DDX18: variants seen among roughly 807,000 people sequenced by gnomAD.
The protein encoded by DDX18 is ATP-dependent RNA helicase DDX18.
Under a neutral mutation model 73.5 loss-of-function variants are expected in DDX18, and 23 were observed. That is an observed-to-expected ratio of 0.31 (90% CI 0.23 to 0.44). The LOEUF (loss-of-function observed/expected upper bound fraction) is 0.44. Among genes scored for constraint, DDX18 ranks in the 20% least tolerant of loss-of-function variants. The probability of loss-of-function intolerance (pLI) is 1.00; values close to 1 mark genes in which losing one functional copy is unlikely to be tolerated. For synonymous variants in DDX18, 268 were observed against 282.7 expected (o/e 0.95, Z 0.52); for missense variants, 753 against 792.9 (o/e 0.95, Z 0.60).
At chr2:117,823,470 C>A (rs895367453) in intron 7 of DDX18, among the ~76,000 whole-genome samples, 1 of 152,132 alleles carries the variant, frequency 6.6e-6, no homozygotes, top group African/African-American at 2.4e-5. Context: ...CACATATACA[C>A]ACATATATAT....
At chr2:117,824,435 T>C (rs1679891680) in intron 7 of DDX18, 134 bp from the exon 8 acceptor site, 3 of 852,156 alleles carry the variant, frequency 3.5e-6, no homozygotes, top group Admixed American at 4.0e-5. Flanking sequence ...TTTTACCTTT[T>C]GTAATATTTG....
intron 11 of DDX18, 83 bp from the exon 12 acceptor site, chr2:117,828,866 G>T: frequency 1.0e-6 from 1 of 955,516 alleles, no homozygotes. Flanking sequence ...TTCATAGGCC[G>T]GTTCATCCTT....
At chr2:117,823,384 G>C (rs1171560913) in intron 7 of DDX18, among the ~76,000 whole-genome samples, 2 of 152,084 alleles carry the variant, frequency 1.3e-5, no homozygotes, top group Non-Finnish European at 2.9e-5. Context: ...TCTTTTGTCA[G>C]ATTTATCTCT....
chr2:117,823,895 G>A (rs985150655), intron 7 of DDX18, among the ~76,000 whole-genome samples: 3 of 152,150 alleles, frequency 2.0e-5, no homozygotes, highest in Non-Finnish European at 4.4e-5. Flanking sequence ...TCTGTCTGCT[G>A]AAATAATCAT....
chr2:117,828,917 GGTT>G, intron 11 of DDX18, 29 bp from the exon 12 acceptor site: 1 of 1,473,396 alleles, frequency 6.8e-7, no homozygotes, highest in Non-Finnish European at 9.5e-7. Context: ...TGATCATCCT[GGTT>G]TACTAATCTT....
chr2:117,821,832 A>T, intron 5 of DDX18, 30 bp from the exon 6 acceptor site: 1 of 1,613,738 alleles, frequency 6.2e-7, no homozygotes, highest in Non-Finnish European at 8.5e-7. Context: ...TGACAGCCAC[A>T]TTTAGACTTC....
At chr2:117,829,055 C>A (rs1441221315) in intron 12 of DDX18, 50 bp downstream of exon 12, 2 of 1,488,548 alleles carry the variant, frequency 1.3e-6, no homozygotes, top group African/African-American at 1.4e-5. Context: ...TGTCCCAGCA[C>A]TCTGTTTGTA....
chr2:117,826,034 CTTTTT>C (rs59119058), intron 10 of DDX18: 118 of 97,204 alleles, frequency 1.2e-3, no homozygotes, highest in African/African-American at 4.1e-3. Flanking sequence ...CATGTCCAGC[CTTTTT>C]TTTTTTTTTT....
At chr2:117,822,483 C>T (rs2104622779) in intron 7 of DDX18, 1 of 440,878 alleles carries the variant, frequency 2.3e-6, no homozygotes, top group Non-Finnish European at 4.2e-6. Context: ...GTTAAGCAGT[C>T]TTCACATAGG....
rs1360550805 is a variant in DDX18, at chr2:117,822,014, A to T, written c.904A>T (p.Ile302Phe). 11 of 1,613,952 alleles carry T rather than the reference A, an allele frequency of 6.8e-6. No individual in the cohort carries two copies. Among genetic ancestry groups the T allele is most frequent in the African/African-American group, 2.7e-5 (2 of 74,904 alleles). The part of the protein sequence containing the change: ...SAEAQKLGNG[I>F]NIIVATPGRL... ...TGAAGCACAGAAACTTGGTAATGGG[A>T]TCAACATCATTGTGGCCACACCAGG... The change falls in exon 6 of 14, where the codon ATC (isoleucine) becomes TTC (phenylalanine). Residue 302 changes from isoleucine to phenylalanine, a missense_variant. Around this residue, in one of 3 missense-constraint regions of DDX18, gnomAD observed 345 missense variants for 352.0 expected, o/e 0.98. Transcript: ENST00000263239.
At chr2:117,828,814 G>T in intron 11 of DDX18, 135 bp from the exon 12 acceptor site, 1 of 643,504 alleles carries the variant, frequency 1.6e-6, no homozygotes. Context: ...TCAACATTGG[G>T]AGACTAGAAA....
At chr2:117,818,207 G>T (rs1322403929) in intron 2 of DDX18, among the ~76,000 whole-genome samples, 1 of 152,136 alleles carries the variant, frequency 6.6e-6, no homozygotes, top group African/African-American at 2.4e-5. Flanking sequence ...CAGTAAGCTC[G>T]GATGAAAGAA....
chr2:117,817,260 T>A (rs1214484685), intron 1 of DDX18, among the ~76,000 whole-genome samples, 184 bp from the exon 2 acceptor site: 1 of 152,214 alleles, frequency 6.6e-6, no homozygotes, highest in Non-Finnish European at 1.5e-5. Context: ...ATTTTTTCTT[T>A]AAGATAACTT....
In DDX18 at chr2:117,821,245, C is replaced by T. The variant is rs763206354; in HGVS notation, c.599C>T (p.Thr200Ile). 1.2e-6 allele frequency: 2 copies of T among 1,611,728 alleles called. No homozygotes were observed. The highest frequency in any genetic ancestry group is 2.2e-5 in the East Asian group (1 of 44,776). The change falls in exon 4 of 14, where the codon ACA (threonine) becomes ATA (isoleucine). Residue 200 changes from threonine to isoleucine, a missense_variant. By Grantham distance (89) the Thr-to-Ile change is moderately conservative. Transcript: ENST00000263239. ...TLKAIKEMGF[T>I]NMTEIQHKSI... ...AAGGCAATAAAAGAAATGGGTTTTA[C>T]AAACATGACTGAAATTCAGCATAAA...
intron 2 of DDX18, among the ~76,000 whole-genome samples, chr2:117,819,172 A>G (rs1277547729): frequency 6.6e-6 from 1 of 152,186 alleles, no homozygotes; most frequent in Non-Finnish European, 1.5e-5. Flanking sequence ...GGTGGGAAGA[A>G]GCCCTGCCTT....
At chr2:117,816,696 T>C (rs1289035351) in intron 1 of DDX18, among the ~76,000 whole-genome samples, 2 of 152,244 alleles carry the variant, frequency 1.3e-5, no homozygotes, top group Non-Finnish European at 2.9e-5. Flanking sequence ...TAGTTTATTA[T>C]CACGTATTAT....
intron 3 of DDX18, 104 bp downstream of exon 3, chr2:117,819,896 A>G: frequency 8.6e-7 from 1 of 1,157,036 alleles, no homozygotes; most frequent in Non-Finnish European, 1.1e-6. Flanking sequence ...TACCTGAAAA[A>G]AGTAACTATC....
chr2:117,820,366 C>CT (rs767202439), intron 3 of DDX18, among the ~76,000 whole-genome samples: 83 of 152,318 alleles, frequency 5.4e-4, no homozygotes, highest in South Asian at 1.2e-3. Flanking sequence ...TTGCCCAGAA[C>CT]TTTAACAGTT....
chr2:117,830,505 C>A, intron 13 of DDX18, 77 bp from the exon 14 acceptor site: 1 of 1,512,804 alleles, frequency 6.6e-7, no homozygotes, highest in Non-Finnish European at 8.9e-7. Context: ...GTGTTCATGC[C>A]GGTTTTTTTC....
Sources: gnomAD v4.1 joint callset for allele counts (sites outside exome capture counted in the v4.1 genomes callset) on GRCh38, gnomAD v4.1.1 for gene constraint, gnomAD v4.1.1 regional missense constraint, MANE v1.5 for transcripts, NCBI Gene and HGNC (gene_info 2026-07-23, HGNC 2026-07-21) for gene names.